The following JAZF1 variants were observed in gnomAD, a reference collection of about 807,000 sequenced individuals.
JAZF1 encodes the protein juxtaposed with another zinc finger protein 1.
JAZF1 carries 8 observed loss-of-function variants against 26.4 expected under a neutral mutation model. The ratio of observed to expected loss-of-function variants is 0.30; its 90% CI spans 0.18 to 0.55. The LOEUF is 0.55. JAZF1 is among the 20% of genes least tolerant of loss of function. The probability of loss-of-function intolerance (pLI) is 0.94; values close to 1 mark genes in which losing one functional copy is unlikely to be tolerated. For synonymous variants in JAZF1, 126 were observed against 122.3 expected, an observed-to-expected ratio of 1.03 and a Z score of -0.20; for missense variants, 199 against 322.0, an observed-to-expected ratio of 0.62 and a Z score of 2.92.
At position 28,169,098 on chromosome 7, in the gene JAZF1, G is replaced by A. The variant is rs565166157; in HGVS notation, c.115+11365C>T. Among the ~76,000 whole-genome samples the A allele has an allele frequency of 4.6e-4, 70 of 152,328 alleles. No individual in the cohort carries two copies. In the Middle Eastern group the frequency reaches 0.01, roughly 22 times the overall value. On this transcript the variant is annotated intron_variant, in intron 1 of 4. Transcript: ENST00000283928. ...GAGAATCATTCTCATTACAAGTTAT[G>A]TCAGATATACTACACTGAAGGTGCC... is the stretch of plus-strand genomic sequence containing the variant.
chr7:27,961,067 A>G (rs1785177642), intron 2 of JAZF1, among the ~76,000 whole-genome samples: 1 of 152,218 alleles, frequency 6.6e-6, no homozygotes, highest in South Asian at 2.1e-4. Flanking sequence ...TCTATGAGAA[A>G]CCAGGACAAT....
chr7:27,997,544 C>G (rs1483709134), intron 1 of JAZF1, among the ~76,000 whole-genome samples: 2 of 152,136 alleles, frequency 1.3e-5, no homozygotes, highest in Non-Finnish European at 2.9e-5. Context: ...CATCCAGAGC[C>G]TCCTAGCAGC....
chr7:28,075,789 T>C (rs965969386), intron 1 of JAZF1, among the ~76,000 whole-genome samples: 2 of 152,194 alleles, frequency 1.3e-5, no homozygotes, highest in Non-Finnish European at 2.9e-5. Context: ...ATTTTTAGGG[T>C]GGAATTCTAG....
At chr7:27,849,174 T>G (rs919730463) in intron 3 of JAZF1, among the ~76,000 whole-genome samples, 5 of 152,206 alleles carry the variant, frequency 3.3e-5, no homozygotes, top group African/African-American at 1.2e-4. Context: ...AGCAAGGCCC[T>G]GGAGACGGGC....
chr7:27,995,866 TCTC>T (rs1230550527), intron 1 of JAZF1, among the ~76,000 whole-genome samples: 7 of 152,262 alleles, frequency 4.6e-5, no homozygotes, highest in Admixed American at 4.6e-4. Flanking sequence ...TCCCATTGCT[TCTC>T]AAGTGGCAAG....
chr7:28,034,285 T>C (rs1402079258), intron 1 of JAZF1, among the ~76,000 whole-genome samples: 1 of 151,918 alleles, frequency 6.6e-6, no homozygotes, highest in Non-Finnish European at 1.5e-5. Context: ...AAGGTTAGGA[T>C]GGGTTTTTGT....
At chr7:27,915,522 G>A (rs1051433106) in intron 2 of JAZF1, among the ~76,000 whole-genome samples, 1 of 152,108 alleles carries the variant, frequency 6.6e-6, no homozygotes, top group Non-Finnish European at 1.5e-5. Flanking sequence ...ATAACAATAT[G>A]GTATTGCTGT....
chr7:28,175,211 G>C (rs1176555197), intron 1 of JAZF1, among the ~76,000 whole-genome samples: 4 of 152,152 alleles, frequency 2.6e-5, no homozygotes, highest in Non-Finnish European at 5.9e-5. Context: ...ACACAAAAGA[G>C]AACGTGGCCA....
At chr7:28,164,038 T>G (rs528121008) in intron 1 of JAZF1, among the ~76,000 whole-genome samples, 23 of 152,244 alleles carry the variant, frequency 1.5e-4, no homozygotes, top group Non-Finnish European at 2.8e-4. Flanking sequence ...TGGTTTGGCT[T>G]GACACTTGAG....
intron 2 of JAZF1, among the ~76,000 whole-genome samples, chr7:27,909,724 C>CAAAACAAA (rs1430603412): frequency 6.6e-6 from 1 of 151,526 alleles, no homozygotes. Context: ...AAAAACAAAA[C>CAAAACAAA]AAAACAAAAA....
At chr7:28,144,896 A>T (rs533381200) in intron 1 of JAZF1, among the ~76,000 whole-genome samples, 1 of 152,342 alleles carries the variant, frequency 6.6e-6, no homozygotes, top group East Asian at 1.9e-4. Context: ...CCAAGAAGGG[A>T]AAGTAAAATG....
chr7:28,005,928 T>C (rs1002969639), intron 1 of JAZF1, among the ~76,000 whole-genome samples: 6 of 151,098 alleles, frequency 4.0e-5, no homozygotes, highest in Admixed American at 2.0e-4. Context: ...CAATGTAAGA[T>C]GGTAGTTACT....
intron 1 of JAZF1, among the ~76,000 whole-genome samples, chr7:28,047,192 T>C (rs1783510869): frequency 6.6e-6 from 1 of 152,184 alleles, no homozygotes. Context: ...GTTACCTTTA[T>C]CATATATTAA....
chr7:27,867,782 C>T (rs548555732), intron 3 of JAZF1, among the ~76,000 whole-genome samples: 21 of 152,356 alleles, frequency 1.4e-4, no homozygotes, highest in South Asian at 1.2e-3. Flanking sequence ...GAGAGGTAGA[C>T]AGCGTGGCTG....
At chr7:27,976,244 G>A (rs1785467364) in intron 2 of JAZF1, among the ~76,000 whole-genome samples, 1 of 151,408 alleles carries the variant, frequency 6.6e-6, no homozygotes, top group African/African-American at 2.4e-5. Context: ...TACTCGGGAG[G>A]CTGAGGCAGG....
At chr7:27,869,018 TACATGTATTGTTATGTATTGCTAC>T (rs1463827950) in intron 3 of JAZF1, among the ~76,000 whole-genome samples, 7 of 152,216 alleles carry the variant, frequency 4.6e-5, no homozygotes, top group African/African-American at 1.7e-4. Flanking sequence ...CCTCTCTGGA[TACATGTATTGTTATGTATTGCTAC>T]ACTGGAAATC....
chr7:27,840,664 T>C lies in JAZF1; in HGVS notation c.555+34A>G. On this transcript the variant is annotated intron_variant, in intron 4 of 4. Coordinates refer to ENST00000283928, the MANE Select transcript of JAZF1 (RefSeq NM_175061.4). The surrounding 1 kb of genome is among the most constrained non-coding windows in gnomAD (Gnocchi z 5.1). ...TTCCATGAAGCTTGCCCTGTTTCCA[T>C]GTGGTTATGCCAAGCATGCAGCACC... 2 of 1,607,934 alleles carry C rather than the reference T, an allele frequency of 1.2e-6. No homozygotes were observed. Among genetic ancestry groups the C allele is most frequent in the South Asian group, 1.1e-5 (1 of 90,584 alleles).
At chr7:27,864,211 C>A (rs17692895) in intron 3 of JAZF1, 13,510 of 152,200 alleles carry the variant, frequency 0.089, 753 homozygotes, top group Non-Finnish European at 0.12. Flanking sequence ...AATTCCATGG[C>A]CCGCGATTTA....
chr7:28,062,087 T>C (rs1783806894), intron 1 of JAZF1, among the ~76,000 whole-genome samples: 1 of 152,124 alleles, frequency 6.6e-6, no homozygotes, highest in Admixed American at 6.6e-5. Context: ...TCCTATTGAT[T>C]TGTTTATAAA....
Sources: allele counts gnomAD v4.1 joint callset (sites outside exome capture counted in the v4.1 genomes callset), GRCh38; gene constraint gnomAD v4.1.1; non-coding constraint Gnocchi (gnomAD v3.1); transcripts MANE v1.5; gene names NCBI Gene and HGNC (gene_info 2026-07-23, HGNC 2026-07-21).